Variants in KIF17 observed in about 807,000 individuals in gnomAD.
The protein encoded by KIF17 is kinesin family member 17.
KIF17 carries 80 observed loss-of-function variants against 96.8 expected under a neutral mutation model. The observed-to-expected ratio is 0.83, with a 90% CI of 0.69 to 1.00. The LOEUF (loss-of-function observed/expected upper bound fraction) is 1.00. Ranked by LOEUF, KIF17 falls within the 50% of genes least tolerant of loss-of-function variation. KIF17 has a pLI of 0.00. For missense variants in KIF17, 1,280 were observed against 1,372.9 expected (o/e 0.93, Z 1.07); for synonymous variants, 567 against 587.5 (o/e 0.97, Z 0.51).
At chr1:20,712,322 C>T (rs889393849) in intron 3 of KIF17, among the ~76,000 whole-genome samples, 3 of 151,590 alleles carry the variant, frequency 2.0e-5, no homozygotes, top group Admixed American at 6.6e-5. Flanking sequence ...TGTCTGGGGG[C>T]TGAGCTATGA....
intron 1 of KIF17, 61 bp from the exon 2 acceptor site, chr1:20,715,700 A>C: frequency 6.2e-7 from 1 of 1,603,736 alleles, no homozygotes; most frequent in Non-Finnish European, 8.5e-7. Flanking sequence ...GGCTCGGGAC[A>C]GGGCTCCCTA....
rs1469394903 is a variant in KIF17 at position 20,685,590 on chromosome 1, G to A, written c.2019+456C>T. Among the ~76,000 whole-genome samples, 1 of 152,072 alleles carries A rather than the reference G, an allele frequency of 6.6e-6. No homozygotes were observed. Among genetic ancestry groups the A allele is most frequent in the Non-Finnish European group, 1.5e-5 (1 of 68,026 alleles). Reference sequence around the variant, plus strand: ...TCCATCTACGCCCTGCTGAGAGCCTGCTGCAGGCCCGGTGCCCAGCCCACA... The same window carrying A: ...TCCATCTACGCCCTGCTGAGAGCCTACTGCAGGCCCGGTGCCCAGCCCACA... On this transcript the variant is annotated intron_variant, in intron 9 of 14. Transcript: ENST00000400463. The surrounding 1 kb of genome is among the most constrained non-coding windows in gnomAD (Gnocchi z 4.1).
intron 13 of KIF17, 57 bp from the exon 14 acceptor site, chr1:20,666,388 G>T: frequency 7.3e-7 from 1 of 1,364,734 alleles, no homozygotes; most frequent in Non-Finnish European, 1.0e-6. Context: ...CTGGCACAGG[G>T]CTCCACAGCC....
chr1:20,684,089 A>C (rs532765929), intron 10 of KIF17, among the ~76,000 whole-genome samples: 9 of 152,384 alleles, frequency 5.9e-5, no homozygotes, highest in Admixed American at 3.3e-4. Context: ...TGGGCAGTGA[A>C]GGCACAGAGA....
rs1430894315 is a variant in KIF17 at position 20,717,613 on chromosome 1, A to C, written c.94T>G (p.Cys32Gly). 1 of 1,610,066 alleles carries C rather than the reference A, an allele frequency of 6.2e-7. No homozygotes were observed. Among genetic ancestry groups the C allele is most frequent in the South Asian group, 1.1e-5 (1 of 91,028 alleles). ...LRCQPVVTVD[C>G]ARAQCCIQNP... ...TGGATGCAGCACTGGGCGCGCGCGC[A>C]GTCCACAGTCACCACGGGCTGGCAG... Residue 32 changes from cysteine (C) to glycine (G), a missense_variant, in exon 1 of 15, where the codon TGC (cysteine) becomes GGC (glycine). Physicochemically the swap from Cys to Gly is radical, Grantham distance 159 (BLOSUM62 -3). Coordinates refer to ENST00000400463, the MANE Select transcript of KIF17 (RefSeq NM_001122819.3).
chr1:20,681,672 C>T (rs1337237883), intron 11 of KIF17, among the ~76,000 whole-genome samples: 1 of 152,164 alleles, frequency 6.6e-6, no homozygotes, highest in Non-Finnish European at 1.5e-5. Context: ...CAGAATCACG[C>T]TCTCCCTGAC....
chr1:20,709,848 C>G lies in KIF17; in HGVS notation c.481-20G>C, dbSNP rs778827386. ...CTTCAGCTGAGGGAGGAGGAACAGT[C>G]AGGGGCGGAACCTCCAGCCGCCAAG... is the stretch of plus-strand genomic sequence containing the variant. On this transcript the variant is annotated intron_variant, in intron 3 of 14. Transcript: ENST00000400463. The surrounding 1 kb of genome is among the most constrained non-coding windows in gnomAD (Gnocchi z 4.7). 5.0e-6 allele frequency: 8 copies of G among 1,586,732 alleles called. No homozygotes were observed. The highest frequency in any genetic ancestry group is 6.9e-6 in the Non-Finnish European group (8 of 1,166,464).
Position 20,709,956 on chromosome 1 carries a change from C to A in KIF17, c.481-128G>T. The stretch of plus-strand genomic sequence containing the variant: ...CGCCCTCCTGTAATGCAGGCTGGCA[C>A]CTCACATGCCTGTCACAGGGAGGGG... On this transcript the variant is annotated intron_variant, in intron 3 of 14. Transcript: ENST00000400463. This position sits in a 1 kb window ranked among gnomAD's most constrained non-coding sequence, Gnocchi z 4.7. 4 of 830,728 alleles carry A rather than the reference C, an allele frequency of 4.8e-6. No individual in the cohort carries two copies. The highest frequency in any genetic ancestry group is 7.9e-6 in the Non-Finnish European group (4 of 504,702). The allele number at this position is 830,728 out of a possible 1,614,324, so 51.5% of individuals were successfully genotyped here.
chr1:20,713,355 C>T (rs187199104), intron 3 of KIF17, 99 bp downstream of exon 3: 18 of 894,202 alleles, frequency 2.0e-5, no homozygotes, highest in South Asian at 8.6e-5. Context: ...CTCCCAGTGC[C>T]GGCACCCTCA....
intron 5 of KIF17, among the ~76,000 whole-genome samples, chr1:20,703,472 ATGGATAG>A: frequency 1.1e-5 from 1 of 93,978 alleles, no homozygotes; most frequent in South Asian, 4.7e-4. Flanking sequence ...AGATGGGAGG[ATGGATAG>A]ATGGATAGAT....
chr1:20,664,288 C>T lies in KIF17; in HGVS notation c.*296G>A. ...TCAGGCTTTGAGGCAAAGACCAACA[C>T]TGGTGGGCATGGGTGTGGGCTCTGT... is the stretch of plus-strand genomic sequence containing the variant. On this transcript the variant is annotated 3_prime_UTR_variant, in exon 15 of 15. Coordinates refer to ENST00000400463, the MANE Select transcript of KIF17 (RefSeq NM_001122819.3). 1 of 1,314,780 alleles carries T rather than the reference C, an allele frequency of 7.6e-7. No homozygotes were observed. Among genetic ancestry groups the T allele is most frequent in the Non-Finnish European group, 9.8e-7 (1 of 1,019,098 alleles). The allele number at this position is 1,314,780 out of a possible 1,614,324, so 81.4% of individuals were successfully genotyped here. A position where few individuals can be genotyped will look rare whatever the true frequency, so the allele number is the denominator to read the frequency against.
At chr1:20,688,228 T>TTAG (rs1182911196) in intron 7 of KIF17, among the ~76,000 whole-genome samples, 8 of 151,922 alleles carry the variant, frequency 5.3e-5, no homozygotes, top group Non-Finnish European at 1.5e-5. Context: ...TTTTGTATTT[T>TTAG]TAGTAGAGAC....
In KIF17 at chr1:20,699,603, T is replaced by G. The variant is rs754553851; in HGVS notation, c.1124-1115A>C. 7.2e-5 allele frequency among the ~76,000 whole-genome samples: 11 copies of G among 152,120 alleles called. No homozygotes were observed. The highest frequency in any genetic ancestry group is 3.2e-3 in the Middle Eastern group (1 of 316). The stretch of plus-strand genomic sequence containing the variant: ...ATAAATAGCTTATTTATTGAAGGCC[T>G]TTTAGTCAAGGCATGAAGGAAGCAG... On this transcript the variant is annotated intron_variant, in intron 5 of 14. Coordinates refer to ENST00000400463, the MANE Select transcript of KIF17 (RefSeq NM_001122819.3). This position sits in a 1 kb window ranked among gnomAD's most constrained non-coding sequence, Gnocchi z 4.3.
intron 13 of KIF17, among the ~76,000 whole-genome samples, chr1:20,668,372 C>T (rs920951675): frequency 5.3e-5 from 8 of 152,074 alleles, no homozygotes; most frequent in South Asian, 2.1e-4. Context: ...TAGATCCAGC[C>T]GTGCCTGAAA....
At chr1:20,703,334 T>A (rs896130645) in intron 5 of KIF17, among the ~76,000 whole-genome samples, 1 of 151,648 alleles carries the variant, frequency 6.6e-6, no homozygotes, top group African/African-American at 2.4e-5. Flanking sequence ...AATGGATGCA[T>A]GGATGGATGA....
intron 12 of KIF17, among the ~76,000 whole-genome samples, chr1:20,671,394 G>A (rs1176308878): frequency 6.6e-6 from 1 of 152,130 alleles, no homozygotes; most frequent in African/African-American, 2.4e-5. Flanking sequence ...GCAGTGGCAC[G>A]ATCTTGGCTC....
intron 6 of KIF17, among the ~76,000 whole-genome samples, chr1:20,691,241 G>A (rs915202417): frequency 2.6e-5 from 4 of 151,224 alleles, no homozygotes; most frequent in African/African-American, 2.4e-5. Context: ...GCAGTGAGCC[G>A]AGATCACACC....
intron 6 of KIF17, among the ~76,000 whole-genome samples, chr1:20,696,451 G>A (rs998495460): frequency 2.6e-5 from 4 of 152,172 alleles, no homozygotes; most frequent in East Asian, 3.8e-4. Flanking sequence ...TGGTGGCGGT[G>A]GCGTCAGCCA....
At chr1:20,705,895 T>TC (rs2054333347) in intron 4 of KIF17, among the ~76,000 whole-genome samples, 2 of 114,486 alleles carry the variant, frequency 1.7e-5, no homozygotes, top group Non-Finnish European at 3.6e-5. Context: ...GGATGTCTCT[T>TC]TTTTTTTTTT....
Sources: allele counts gnomAD v4.1 joint callset (sites outside exome capture counted in the v4.1 genomes callset), GRCh38; gene constraint gnomAD v4.1.1; non-coding constraint Gnocchi (gnomAD v3.1); transcripts MANE v1.5; gene names NCBI Gene and HGNC (gene_info 2026-07-23, HGNC 2026-07-21).